MAPK12: variants seen among roughly 807,000 people sequenced by gnomAD.
MAPK12 encodes mitogen-activated protein kinase 12.
Under a neutral mutation model 49.1 loss-of-function variants are expected in MAPK12, and 49 were observed. The ratio of observed to expected loss-of-function variants is 1.00; its 90% confidence interval spans 0.79 to 1.27. MAPK12 has a LOEUF of 1.27. Ranked by LOEUF, MAPK12 falls within the 50% of genes most tolerant of loss-of-function variation. The pLI is 0.00. For missense variants in MAPK12, 554 were observed against 502.4 expected (o/e 1.10, Z -0.98); for synonymous variants, 251 against 209.7 (o/e 1.20, Z -1.70).
At chr22:50,258,079 G>A (rs1181689224) in intron 3 of MAPK12, 164 bp downstream of exon 3, 22 of 732,082 alleles carry the variant, frequency 3.0e-5, no homozygotes, top group African/African-American at 1.7e-5. Flanking sequence ...GACCATGTGG[G>A]GGAGGGCGTG....
At chr22:50,253,755 A>G (rs2065121866) in intron 11 of MAPK12, 2 of 537,610 alleles carry the variant, frequency 3.7e-6, no homozygotes, top group Non-Finnish European at 6.7e-6. Flanking sequence ...GGTGGGGACT[A>G]CAGAGAGGAT....
intron 2 of MAPK12, among the ~76,000 whole-genome samples, chr22:50,259,716 C>G (rs886377587): frequency 6.6e-5 from 10 of 152,004 alleles, no homozygotes; most frequent in African/African-American, 2.4e-4. Context: ...AACCTCATCT[C>G]AACTAAAAAT....
chr22:50,256,792 G>C, intron 5 of MAPK12, 143 bp downstream of exon 5: 1 of 1,506,734 alleles, frequency 6.6e-7, no homozygotes, highest in Non-Finnish European at 8.9e-7. Flanking sequence ...AGGTACCTGG[G>C]CACCCAGGCA....
At chr22:50,259,135 C>T (rs1367277577) in intron 2 of MAPK12, among the ~76,000 whole-genome samples, 3 of 152,160 alleles carry the variant, frequency 2.0e-5, no homozygotes, top group African/African-American at 7.2e-5. Context: ...GTGTAGGAAC[C>T]GGCCAGAGTG....
At chr22:50,261,122 A>T (rs2065208079) in intron 2 of MAPK12, 45 bp downstream of exon 2, 21 of 1,516,714 alleles carry the variant, frequency 1.4e-5, no homozygotes, top group Non-Finnish European at 1.9e-5. Context: ...AGCTGAACCA[A>T]GCCGAGGCCG....
At chr22:50,260,928 C>A in intron 2 of MAPK12, 2 of 394,832 alleles carry the variant, frequency 5.1e-6, no homozygotes, top group Non-Finnish European at 9.0e-6. Context: ...GCTGAGGCGC[C>A]GAGTCAAGGG....
intron 11 of MAPK12, 46 bp from the exon 12 acceptor site, chr22:50,253,526 T>C: frequency 1.1e-6 from 1 of 936,658 alleles, no homozygotes; most frequent in South Asian, 1.4e-5. Context: ...GGGGTCAGCC[T>C]TTGCCTTCCA....
chr22:50,259,772 T>G (rs1241577090), intron 2 of MAPK12, among the ~76,000 whole-genome samples: 8 of 151,532 alleles, frequency 5.3e-5, no homozygotes, highest in African/African-American at 1.9e-4. Flanking sequence ...TAATCCCAGC[T>G]ACTGAGGAGG....
intron 11 of MAPK12, chr22:50,254,860 CCTT>C: frequency 8.3e-7 from 1 of 1,205,486 alleles, no homozygotes; most frequent in Non-Finnish European, 1.0e-6. Context: ...ACTCCCGGCT[CCTT>C]CTGTGCCAGC....
intron 3 of MAPK12, chr22:50,257,519 A>C: frequency 1.9e-6 from 1 of 515,802 alleles, no homozygotes. Flanking sequence ...CTGAGGCTCC[A>C]TGGTAGAGGC....
At position 50,258,126 on chromosome 22, in the gene MAPK12, G is replaced by A. The variant is rs1326731141; in HGVS notation, c.314+117C>T. 7.4e-6 allele frequency: 7 copies of A among 941,282 alleles called. No individual in the cohort carries two copies. The Admixed American group carries it at 8.6e-5, about 12-fold the overall frequency. The allele number at this position is 941,282 out of a possible 1,614,324, so 58.3% of individuals were successfully genotyped here. A position where few individuals can be genotyped will look rare whatever the true frequency, so the allele number is the denominator to read the frequency against. On this transcript the variant is annotated intron_variant, in intron 3 of 11. Transcript: ENST00000215659. Reference sequence around the variant, plus strand: ...GGTATGGGGAGGGGGTGGGCGGTGTGCATCCCCCACTCAGGCTGCAGGAAG... The same window carrying A: ...GGTATGGGGAGGGGGTGGGCGGTGTACATCCCCCACTCAGGCTGCAGGAAG...
chr22:50,254,826 CCT>C, intron 11 of MAPK12: 1 of 1,168,876 alleles, frequency 8.6e-7, no homozygotes, highest in Non-Finnish European at 1.1e-6. Flanking sequence ...GCCCTGGTTC[CCT>C]GACTCACAGC....
At chr22:50,255,584 A>ACCCCCCCCCC in intron 9 of MAPK12, 31 bp downstream of exon 9, 1 of 644,910 alleles carries the variant, frequency 1.6e-6, no homozygotes, top group Non-Finnish European at 2.2e-6. Flanking sequence ...GTCCGCCCCC[A>ACCCCCCCCCC]CCCCCACCCA....
chr22:50,253,336 CGA>C lies in MAPK12; in HGVS notation c.*63_*64del. ...GCCCCAGCCAAGGTCAAGGTGGCAA[CGA>C]GAGTCCCCTCTCAGGTGGAAGGTGA... On this transcript the variant is annotated 3_prime_UTR_variant, in exon 12 of 12. Transcript: ENST00000215659. 2 of 1,227,572 alleles carry C rather than the reference CGA, an allele frequency of 1.6e-6. No individual in the cohort carries two copies. The highest frequency in any genetic ancestry group is 2.0e-5 in the Admixed American group (1 of 50,552). 76.0% of individuals were successfully genotyped at this position (1,227,572 alleles called of 1,614,324 possible).
In MAPK12 at chr22:50,253,484, G is replaced by A. The variant is rs1045492943; in HGVS notation, c.1025-4C>T. On this transcript the variant is annotated splice_polypyrimidine_tract_variant and splice_region_variant and intron_variant, in intron 11 of 11. Transcript: ENST00000215659. ...AGCACCTCTTTGTAAGTAACACCTGGCGGGGGTGGGGGGGCGGGCACAACA... is the reference window on the plus strand; with the variant it reads ...AGCACCTCTTTGTAAGTAACACCTGACGGGGGTGGGGGGGCGGGCACAACA... 2 of 1,324,912 alleles carry A rather than the reference G, an allele frequency of 1.5e-6. No individual in the cohort carries two copies. The highest frequency in any genetic ancestry group is 2.9e-5 in the African/African-American group (2 of 68,136). The allele number at this position is 1,324,912 out of a possible 1,614,324, so 82.1% of individuals were successfully genotyped here. A position where few individuals can be genotyped will look rare whatever the true frequency, so the allele number is the denominator to read the frequency against.
rs2065136843 is a variant in MAPK12 at position 50,255,248 on chromosome 22, T to A, written c.973A>T (p.Lys325Ter). Residue 325 changes from lysine to a stop codon, truncating the protein, a stop_gained, in exon 11 of 12, where the codon AAG (lysine) becomes TAG (stop). Coordinates refer to ENST00000215659, the MANE Select transcript of MAPK12 (RefSeq NM_002969.6). LOFTEE classifies it high-confidence loss of function. ...ACGTCGTCAAAGGAGTCATCATACT[T>A]CTGGACCTGGGGCTCATCTTCCGTG... ...HDTEDEPQVQ[K>*]YDDSFDDVDR... 3 of 1,613,908 alleles carry A rather than the reference T, an allele frequency of 1.9e-6. No homozygotes were observed. The East Asian group carries it at 6.7e-5, about 36-fold the overall frequency.
intron 3 of MAPK12, 53 bp downstream of exon 3, chr22:50,258,190 C>T: frequency 6.4e-7 from 1 of 1,570,580 alleles, no homozygotes; most frequent in South Asian, 1.1e-5. Flanking sequence ...AGCCAGTGCC[C>T]AGAGCTGCCC....
At chr22:50,253,539 C>T (rs1338219674) in intron 11 of MAPK12, 59 bp from the exon 12 acceptor site, 9 of 854,952 alleles carry the variant, frequency 1.1e-5, no homozygotes, top group Admixed American at 2.0e-5. Context: ...GCCTTCCATC[C>T]TGGGAGTCGC....
At chr22:50,253,502 G>GCGCCCCCCCCCCC in intron 11 of MAPK12, 22 bp from the exon 12 acceptor site, 1 of 171,682 alleles carries the variant, frequency 5.8e-6, no homozygotes, top group Non-Finnish European at 1.1e-5. Flanking sequence ...GGGGGGGCGG[G>GCGCCCCCCCCCCC]CACAACAGAG....
Sources: gnomAD v4.1 joint callset for allele counts (sites outside exome capture counted in the v4.1 genomes callset) on GRCh38, gnomAD v4.1.1 for gene constraint, MANE v1.5 for transcripts, NCBI Gene and HGNC (gene_info 2026-07-23, HGNC 2026-07-21) for gene names.